Variants in CEP135 observed in about 807,000 individuals in gnomAD.
CEP135 encodes the protein centrosomal protein 135.
CEP135 carries 142 observed loss-of-function variants against 157.3 expected under a neutral mutation model. The ratio of observed to expected loss-of-function variants is 0.90; its 90% confidence interval spans 0.79 to 1.04. The LOEUF is 1.04. CEP135 is among the 50% of genes least tolerant of loss of function. The pLI is 0.00. For synonymous variants in CEP135, 396 were observed against 439.8 expected, an observed-to-expected ratio of 0.90 and a Z score of 1.25; for missense variants, 1,317 against 1,309.2, an observed-to-expected ratio of 1.01 and a Z score of -0.09.
Position 55,999,592 on chromosome 4 carries a change from G to T in CEP135, c.2227G>T (p.Val743Leu). 1 of 1,608,452 alleles carries T rather than the reference G, an allele frequency of 6.2e-7. No individual in the cohort carries two copies. The highest frequency in any genetic ancestry group is 1.1e-5 in the South Asian group (1 of 89,668). Residue 743 changes from valine (V) to leucine (L), a missense_variant, in exon 17 of 26, where the codon GTA (valine) becomes TTA (leucine). By Grantham distance (32) the Val-to-Leu change is conservative. Transcript: ENST00000257287. Reference sequence around the variant, plus strand: ...AGAAAAAGACTTTCTCCAGGAGACTGTAGATGAGAAGACAGAAAAGATTGC... The same window carrying T: ...AGAAAAAGACTTTCTCCAGGAGACTTTAGATGAGAAGACAGAAAAGATTGC... ...DKEKDFLQET[V>L]DEKTEKIANL...
Position 55,991,409 on chromosome 4 carries a change from T to A in CEP135, c.1858-525T>A, listed in dbSNP as rs79111996. ...GTGTTAGAATTGTATTGGAATTCCA[T>A]TGAATTTACTATTATTTGAGGAAAT... On this transcript the variant is annotated intron_variant, in intron 14 of 25. Coordinates refer to ENST00000257287, the MANE Select transcript of CEP135 (RefSeq NM_025009.5). 3.1e-3 allele frequency among the ~76,000 whole-genome samples: 476 copies of A among 152,072 alleles called. 2 individuals carry two copies. Among genetic ancestry groups the A allele is most frequent in the African/African-American group, 0.011 (443 of 41,508 alleles).
intron 15 of CEP135, 100 bp downstream of exon 15, chr4:55,992,185 A>T: frequency 1.7e-6 from 2 of 1,146,624 alleles, no homozygotes; most frequent in Non-Finnish European, 2.4e-6. Context: ...TTTGTGCAGT[A>T]GTTTTAGAAG....
chr4:55,958,147 A>G (rs1006113653), intron 5 of CEP135, among the ~76,000 whole-genome samples: 1 of 152,218 alleles, frequency 6.6e-6, no homozygotes, highest in Non-Finnish European at 1.5e-5. Context: ...AAAAAAGAGC[A>G]CTGGGACCAG....
intron 15 of CEP135, among the ~76,000 whole-genome samples, chr4:55,993,336 G>A (rs998786393): frequency 6.6e-6 from 1 of 152,212 alleles, no homozygotes; most frequent in African/African-American, 2.4e-5. Context: ...GTCTGAGACT[G>A]TAGTTCATAA....
chr4:56,025,854 A>G (rs192767418), intron 25 of CEP135, among the ~76,000 whole-genome samples: 2 of 152,118 alleles, frequency 1.3e-5, no homozygotes, highest in Admixed American at 6.5e-5. Context: ...ACATAGTTCA[A>G]TGAATTTTTT....
chr4:56,024,511 A>G lies in CEP135; in HGVS notation c.3331A>G (p.Ile1111Val), dbSNP rs561697213. Residue 1111 changes from isoleucine (I) to valine (V), a missense_variant, in exon 25 of 26, where the codon ATC (isoleucine) becomes GTC (valine). By Grantham distance (29) the Ile-to-Val change is conservative. Transcript: ENST00000257287. ...STERYERERA[I>V]QEMRRHGLAT... ...GATCTTTACTAACAGAGAACGAGCA[A>G]TCCAAGAGATGCGTCGACATGGTCT... 3.7e-6 allele frequency: 6 copies of G among 1,613,566 alleles called. No homozygotes were observed. In the African/African-American group the frequency reaches 8.0e-5, roughly 22 times the overall value.
intron 14 of CEP135, among the ~76,000 whole-genome samples, chr4:55,991,052 T>C (rs1205891870): frequency 1.3e-5 from 2 of 152,078 alleles, no homozygotes; most frequent in East Asian, 1.9e-4. Flanking sequence ...CTCGGCTCAC[T>C]GCAACCTCTG....
chr4:55,957,265 A>T lies in CEP135; in HGVS notation c.515A>T (p.Gln172Leu). ...ATTGCTTTCAGGCGCCAGCGTATGC[A>T]AATTGATGAACCGGTTCCTCCCTCT... is the stretch of plus-strand genomic sequence containing the variant. ...RSIAFRRQRMQIDEPVPPSEV... is the reference protein window; with the variant it reads ...RSIAFRRQRMLIDEPVPPSEV... The change falls in exon 5 of 26, where the codon CAA becomes CTA. Residue 172 changes from glutamine to leucine, a missense_variant. Physicochemically the swap from Gln to Leu is moderately radical, Grantham distance 113. Transcript: ENST00000257287. 3 of 1,614,226 alleles carry T rather than the reference A, an allele frequency of 1.9e-6. No homozygotes were observed. Among genetic ancestry groups the T allele is most frequent in the Non-Finnish European group, 2.5e-6 (3 of 1,180,034 alleles).
At chr4:56,013,714 T>C (rs1030708403) in intron 21 of CEP135, among the ~76,000 whole-genome samples, 1 of 152,164 alleles carries the variant, frequency 6.6e-6, no homozygotes, top group South Asian at 2.1e-4. Flanking sequence ...GTCATTTTTG[T>C]TTTGTTTTGT....
chr4:55,988,515 C>G (rs1180248835), intron 14 of CEP135, among the ~76,000 whole-genome samples: 2 of 152,028 alleles, frequency 1.3e-5, no homozygotes, highest in East Asian at 1.9e-4. Context: ...CGAAAATTTG[C>G]CAGGTGAGGT....
At chr4:55,975,075 C>G in intron 11 of CEP135, 106 bp downstream of exon 11, 2 of 812,544 alleles carry the variant, frequency 2.5e-6, no homozygotes, top group East Asian at 5.6e-5. Flanking sequence ...TTTGAAAAAT[C>G]CTGATTTTGA....
intron 12 of CEP135, among the ~76,000 whole-genome samples, chr4:55,980,992 T>G (rs1032369698): frequency 6.6e-6 from 1 of 152,124 alleles, no homozygotes; most frequent in Non-Finnish European, 1.5e-5. Context: ...AGTTACTTCC[T>G]GCTTGTCTGT....
Position 55,953,079 on chromosome 4 carries a change from T to A in CEP135, c.114-6T>A. Reference sequence around the variant, plus strand: ...TTCCTGGTATTTAAATTTTCTGTTCTTTTAGCGACTTAGTTCATACAACTG... The same window carrying A: ...TTCCTGGTATTTAAATTTTCTGTTCATTTAGCGACTTAGTTCATACAACTG... On this transcript the variant is annotated splice_polypyrimidine_tract_variant and splice_region_variant and intron_variant, in intron 2 of 25. Transcript: ENST00000257287. The A allele has an allele frequency of 6.5e-7, 1 of 1,548,336 alleles. No individual in the cohort carries two copies. Among genetic ancestry groups the A allele is most frequent in the Non-Finnish European group, 8.7e-7 (1 of 1,154,778 alleles).
intron 17 of CEP135, among the ~76,000 whole-genome samples, chr4:56,005,405 G>A (rs186994642): frequency 2.0e-5 from 3 of 152,174 alleles, no homozygotes; most frequent in African/African-American, 7.2e-5. Context: ...AAGTCTGGGT[G>A]ACAGAACAAG....
intron 15 of CEP135, among the ~76,000 whole-genome samples, chr4:55,994,081 A>G (rs1290130831): frequency 1.3e-5 from 2 of 152,060 alleles, no homozygotes; most frequent in South Asian, 2.1e-4. Context: ...AGTTGAAACC[A>G]TTGAATCCAA....
intron 14 of CEP135, among the ~76,000 whole-genome samples, chr4:55,988,830 G>A (rs1232134594): frequency 6.8e-6 from 1 of 146,772 alleles, no homozygotes; most frequent in Admixed American, 6.8e-5. Context: ...GCGTGGTGGC[G>A]GGCGCATGTA....
At chr4:55,989,186 T>G (rs1729705622) in intron 14 of CEP135, among the ~76,000 whole-genome samples, 1 of 152,126 alleles carries the variant, frequency 6.6e-6, no homozygotes, top group Admixed American at 6.5e-5. Flanking sequence ...CAAAAATCAG[T>G]TAAAGGTTAC....
intron 8 of CEP135, 51 bp downstream of exon 8, chr4:55,965,910 A>G (rs369477692): frequency 1.4e-5 from 20 of 1,441,028 alleles, no homozygotes; most frequent in Non-Finnish European, 1.8e-5. Flanking sequence ...TTCTCCTAGC[A>G]CACGGTAAGC....
At chr4:55,986,751 C>T (rs1237944808) in intron 14 of CEP135, among the ~76,000 whole-genome samples, 5 of 152,128 alleles carry the variant, frequency 3.3e-5, no homozygotes, top group African/African-American at 1.2e-4. Context: ...CAATTGATCC[C>T]ATCACCCAGG....
Sources: gnomAD v4.1 joint callset for allele counts (sites outside exome capture counted in the v4.1 genomes callset) on GRCh38, gnomAD v4.1.1 for gene constraint, MANE v1.5 for transcripts, NCBI Gene and HGNC (gene_info 2026-07-23, HGNC 2026-07-21) for gene names.